Variants in ALKBH8 observed in about 807,000 individuals in gnomAD.
ALKBH8 encodes alkB homolog 8, tRNA methyltransferase, also known as tRNA (carboxymethyluridine(34)-5-O)-methyltransferase ALKBH8.
In ALKBH8, 36 loss-of-function variants were observed where a neutral mutation model predicts 59.8. The ratio of observed to expected loss-of-function variants is 0.60; its 90% CI spans 0.46 to 0.79. The LOEUF (loss-of-function observed/expected upper bound fraction) is 0.79, where lower values mean the gene tolerates loss of function less well. ALKBH8 is among the 30% of genes least tolerant of loss of function. ALKBH8 has a pLI of 0.00. For missense variants in ALKBH8, 768 were observed against 801.0 expected (o/e 0.96, Z 0.50); for synonymous variants, 276 against 273.6 (o/e 1.01, Z -0.09).
At chr11:107,563,674 T>C (rs972373578) in intron 1 of ALKBH8, 4 of 152,214 alleles carry the variant, frequency 2.6e-5, no homozygotes, top group African/African-American at 7.2e-5. Flanking sequence ...AACTTTGCAG[T>C]ATGTCATGGA....
chr11:107,515,101 CT>C (rs1862806690), intron 10 of ALKBH8, among the ~76,000 whole-genome samples: 1 of 152,142 alleles, frequency 6.6e-6, no homozygotes, highest in African/African-American at 2.4e-5. Context: ...TCATCTTTTA[CT>C]TTTTTTGCCT....
At chr11:107,536,453 C>G (rs139866539) in intron 7 of ALKBH8, among the ~76,000 whole-genome samples, 2 of 152,274 alleles carry the variant, frequency 1.3e-5, no homozygotes, top group Non-Finnish European at 2.9e-5. Context: ...AAAGAAAGAG[C>G]TCAGAGTAGT....
At chr11:107,561,492 G>T (rs894218038) in intron 1 of ALKBH8, among the ~76,000 whole-genome samples, 2 of 152,076 alleles carry the variant, frequency 1.3e-5, no homozygotes, top group Admixed American at 1.3e-4. Context: ...GCATCAAAGG[G>T]TGTTTCTTCA....
chr11:107,542,052 G>A (rs1351115383), intron 7 of ALKBH8, among the ~76,000 whole-genome samples: 2 of 151,924 alleles, frequency 1.3e-5, no homozygotes, highest in Admixed American at 6.6e-5. Context: ...AGTAAAGCAT[G>A]GAGAGACAAA....
At chr11:107,506,525 TAAG>T (rs1357926194) in intron 11 of ALKBH8, among the ~76,000 whole-genome samples, 1 of 152,008 alleles carries the variant, frequency 6.6e-6, no homozygotes, top group Non-Finnish European at 1.5e-5. Flanking sequence ...TAAAATACAT[TAAG>T]AAGTCGGAAA....
rs751859590 is a variant in ALKBH8, at chr11:107,556,953, C to G, written c.180G>C (p.Gln60His). The change falls in exon 3 of 12, where the codon CAG becomes CAC. Residue 60 changes from glutamine (Q) to histidine (H), a missense_variant. Transcript: ENST00000428149. ...GGLGNGVSRN[Q>H]LLPVLEKCGL... The stretch of plus-strand genomic sequence containing the variant: ...CACATTTCTCTAAAACCGGGAGCAG[C>G]TGGTTCCGACTCACACCATTACCCA... 6.2e-7 allele frequency: 1 copy of G among 1,610,492 alleles called. No homozygotes were observed. Among genetic ancestry groups the G allele is most frequent in the Non-Finnish European group, 8.5e-7 (1 of 1,178,142 alleles).
At chr11:107,534,768 T>TTC (rs1863740525) in intron 7 of ALKBH8, among the ~76,000 whole-genome samples, 1 of 151,894 alleles carries the variant, frequency 6.6e-6, no homozygotes, top group Non-Finnish European at 1.5e-5. Context: ...TTTTTTTTTT[T>TTC]TCTCAATAGG....
At chr11:107,506,622 A>G (rs1412372959) in intron 11 of ALKBH8, among the ~76,000 whole-genome samples, 1 of 152,182 alleles carries the variant, frequency 6.6e-6, no homozygotes, top group Admixed American at 6.5e-5. Flanking sequence ...TCAAGTCAGT[A>G]TAAGTTACCC....
chr11:107,539,686 A>G (rs1863960962), intron 7 of ALKBH8, among the ~76,000 whole-genome samples: 1 of 152,200 alleles, frequency 6.6e-6, no homozygotes, highest in Non-Finnish European at 1.5e-5. Flanking sequence ...TTTAAAAAAC[A>G]AAACAACAAC....
intron 1 of ALKBH8, chr11:107,562,740 A>G (rs1360800323): frequency 1.3e-5 from 2 of 152,192 alleles, no homozygotes; most frequent in Non-Finnish European, 2.9e-5. Flanking sequence ...GGCTGGCAGC[A>G]TAGCAGAGAG....
chr11:107,531,519 A>T (rs1337472738), intron 8 of ALKBH8, among the ~76,000 whole-genome samples: 1 of 152,250 alleles, frequency 6.6e-6, no homozygotes, highest in Admixed American at 6.5e-5. Flanking sequence ...GACTAAACAG[A>T]ATTGACAAGA....
chr11:107,523,257 C>A (rs917339218), intron 9 of ALKBH8, among the ~76,000 whole-genome samples: 1 of 152,096 alleles, frequency 6.6e-6, no homozygotes, highest in Admixed American at 6.6e-5. Context: ...TACATATACA[C>A]AACAGAATAC....
At position 107,503,701 on chromosome 11, in the gene ALKBH8, C is replaced by G. The variant is rs559422776; in HGVS notation, c.*957G>C. 1 of 151,704 alleles carries G rather than the reference C, an allele frequency of 6.6e-6. No individual in the cohort carries two copies. Among genetic ancestry groups the G allele is most frequent in the Non-Finnish European group, 1.5e-5 (1 of 68,004 alleles). 9.4% of individuals were successfully genotyped at this position (151,704 alleles called of 1,614,324 possible). A position where few individuals can be genotyped will look rare whatever the true frequency, so the allele number is the denominator to read the frequency against. On this transcript the variant is annotated 3_prime_UTR_variant, in exon 12 of 12. Coordinates refer to ENST00000428149, the MANE Select transcript of ALKBH8 (RefSeq NM_138775.3). ...GAAATAACCAATAATGACACCACAG[C>G]TTTGGCTCTAAGGGCACAGTTAGGT...
chr11:107,532,293 T>C lies in ALKBH8; in HGVS notation c.878+7A>G. On this transcript the variant is annotated splice_region_variant and intron_variant, in intron 8 of 11. Coordinates refer to ENST00000428149, the MANE Select transcript of ALKBH8 (RefSeq NM_138775.3). ...GAAAAAGAATCCTGTCATATTTCAA[T>C]ACATACCCATGGGTCCAAAGGTATC... is the stretch of plus-strand genomic sequence containing the variant. The C allele has an allele frequency of 6.2e-7, 1 of 1,608,890 alleles. No homozygotes were observed. Among genetic ancestry groups the C allele is most frequent in the Non-Finnish European group, 8.5e-7 (1 of 1,176,426 alleles).
At chr11:107,512,887 C>T (rs1426149408) in intron 10 of ALKBH8, among the ~76,000 whole-genome samples, 1 of 152,110 alleles carries the variant, frequency 6.6e-6, no homozygotes. Context: ...ACCTTCTTTA[C>T]ATTATATATA....
intron 11 of ALKBH8, among the ~76,000 whole-genome samples, chr11:107,507,941 A>G (rs1862458853): frequency 6.6e-6 from 1 of 152,212 alleles, no homozygotes; most frequent in Non-Finnish European, 1.5e-5. Flanking sequence ...GATCTCTATC[A>G]GGCATTTATT....
At chr11:107,555,003 TA>T (rs1214988530) in intron 3 of ALKBH8, among the ~76,000 whole-genome samples, 1 of 152,228 alleles carries the variant, frequency 6.6e-6, no homozygotes, top group Non-Finnish European at 1.5e-5. Context: ...CTCACACTTA[TA>T]ATCCCAGCAC....
intron 7 of ALKBH8, among the ~76,000 whole-genome samples, chr11:107,545,066 G>A (rs891798987): frequency 6.6e-6 from 1 of 152,136 alleles, no homozygotes; most frequent in African/African-American, 2.4e-5. Flanking sequence ...AATAAAGTAT[G>A]GGGCCTGGAA....
chr11:107,565,652 C>G lies in ALKBH8; in HGVS notation c.-58G>C. 6.5e-7 allele frequency: 1 copy of G among 1,535,710 alleles called. No individual in the cohort carries two copies. The highest frequency in any genetic ancestry group is 1.2e-5 in the South Asian group (1 of 84,056). ...CACCATGCGTGTGCCTTCTTCTTTGCCAGCCTCTCCACTCTAGCACCAGAA... is the reference window on the plus strand; with the variant it reads ...CACCATGCGTGTGCCTTCTTCTTTGGCAGCCTCTCCACTCTAGCACCAGAA... On this transcript the variant is annotated 5_prime_UTR_variant, in exon 1 of 12. Coordinates refer to ENST00000428149, the MANE Select transcript of ALKBH8 (RefSeq NM_138775.3).
Sources: gnomAD v4.1 joint callset for allele counts (sites outside exome capture counted in the v4.1 genomes callset) on GRCh38, gnomAD v4.1.1 for gene constraint, MANE v1.5 for transcripts, NCBI Gene and HGNC (gene_info 2026-07-23, HGNC 2026-07-21) for gene names.